The following ATP9A variants were observed in gnomAD, a reference collection of about 807,000 sequenced individuals.
ATP9A encodes the protein ATPase phospholipid transporting 9A.
In ATP9A, 52 loss-of-function variants were observed where a neutral mutation model predicts 144.1. The observed-to-expected ratio is 0.36, with a 90% CI of 0.29 to 0.45. The LOEUF is 0.45. Ranked by LOEUF, ATP9A falls within the 20% of genes least tolerant of loss-of-function variation. The pLI, the probability that ATP9A is intolerant of heterozygous loss-of-function variation, is 1.00. For missense variants in ATP9A, 947 were observed against 1,392.7 expected (o/e 0.68, Z 5.09); for synonymous variants, 582 against 557.4 (o/e 1.04, Z -0.62).
chr20:51,703,153 T>G (rs952297425), intron 4 of ATP9A, among the ~76,000 whole-genome samples: 1 of 152,210 alleles, frequency 6.6e-6, no homozygotes, highest in African/African-American at 2.4e-5. Flanking sequence ...CTGATCTTAA[T>G]ACTTTTTGAA....
intron 13 of ATP9A, among the ~76,000 whole-genome samples, chr20:51,666,978 G>A (rs1049621300): frequency 6.6e-6 from 1 of 152,132 alleles, no homozygotes; most frequent in South Asian, 2.1e-4. Flanking sequence ...TAGACATCAC[G>A]AGAGAAAGAT....
chr20:51,638,071 TTATATATA>T (rs56043552), intron 15 of ATP9A, among the ~76,000 whole-genome samples: 987 of 34,028 alleles, frequency 0.029, 12 homozygotes, highest in Middle Eastern at 0.062. Flanking sequence ...TTTCATCATT[TTATATATA>T]TATATATATA....
In ATP9A at chr20:51,729,982, T is replaced by C. The variant is rs1314680520; in HGVS notation, c.69-4A>G. ...GCATCTCAGCCACTCGCAGCACCTG[T>C]GGGAAAGAAACCCACGCATCAAGGC... On this transcript the variant is annotated splice_region_variant and splice_polypyrimidine_tract_variant and intron_variant, in intron 1 of 27. Coordinates refer to ENST00000338821, the MANE Select transcript of ATP9A (RefSeq NM_006045.3). 6.5e-7 allele frequency: 1 copy of C among 1,529,420 alleles called. No homozygotes were observed. The highest frequency in any genetic ancestry group is 8.7e-7 in the Non-Finnish European group (1 of 1,142,880). 94.7% of individuals were successfully genotyped at this position (1,529,420 alleles called of 1,614,324 possible).
At position 51,598,254 on chromosome 20, in the gene ATP9A, C is replaced by A. The variant is rs1004091194; in HGVS notation, c.*2957G>T. 1.3e-5 allele frequency: 2 copies of A among 152,066 alleles called. No homozygotes were observed. Among genetic ancestry groups the A allele is most frequent in the Non-Finnish European group, 2.9e-5 (2 of 67,998 alleles). The allele number at this position is 152,066 out of a possible 1,614,324, so 9.4% of individuals were successfully genotyped here. Reference sequence around the variant, plus strand: ...ATAGATCCTGCTTCCCCCTGTCACACAACCATCATCAAAAGACATATGAAC... The same window carrying A: ...ATAGATCCTGCTTCCCCCTGTCACAAAACCATCATCAAAAGACATATGAAC... On this transcript the variant is annotated 3_prime_UTR_variant, in exon 28 of 28. Transcript: ENST00000338821.
At chr20:51,743,093 CAA>C (rs2077791949) in intron 1 of ATP9A, among the ~76,000 whole-genome samples, 1 of 152,156 alleles carries the variant, frequency 6.6e-6, no homozygotes, top group Non-Finnish European at 1.5e-5. Context: ...TCTGTCCAAA[CAA>C]GAGAAGTGAC....
chr20:51,734,775 A>G, intron 1 of ATP9A: 1 of 215,558 alleles, frequency 4.6e-6, no homozygotes, highest in Non-Finnish European at 9.9e-6. Flanking sequence ...CATGAAGAAG[A>G]TGCAGGCCAA....
chr20:51,631,806 T>C (rs1340874351), intron 15 of ATP9A, among the ~76,000 whole-genome samples: 1 of 152,158 alleles, frequency 6.6e-6, no homozygotes, highest in African/African-American at 2.4e-5. Flanking sequence ...TGGAACATCT[T>C]GTACGCCACA....
At chr20:51,639,228 G>A (rs1245334623) in intron 15 of ATP9A, 115 bp downstream of exon 15, 1 of 1,155,564 alleles carries the variant, frequency 8.7e-7, no homozygotes, top group Non-Finnish European at 1.2e-6. Context: ...TCCCTTGTTA[G>A]TCTGGGTGAC....
At chr20:51,722,775 G>T (rs2077695199) in intron 3 of ATP9A, among the ~76,000 whole-genome samples, 1 of 152,164 alleles carries the variant, frequency 6.6e-6, no homozygotes, top group Non-Finnish European at 1.5e-5. Flanking sequence ...ATGGAAAACA[G>T]TGTGGAGATT....
chr20:51,701,024 G>A (rs931625066), intron 4 of ATP9A, among the ~76,000 whole-genome samples: 1 of 152,136 alleles, frequency 6.6e-6, no homozygotes, highest in Non-Finnish European at 1.5e-5. Context: ...TAAATTCAAC[G>A]TGGCCCTCAG....
rs768441415 is a variant in ATP9A, at chr20:51,619,052, G to C, written c.2116-9C>G. 1.9e-6 allele frequency: 3 copies of C among 1,609,796 alleles called. No homozygotes were observed. The highest frequency in any genetic ancestry group is 1.3e-5 in the African/African-American group (1 of 74,932). Reference sequence around the variant, plus strand: ...TCCCCGCGGTTGGTCACCTGGAAGGGAACAGAGATGGGGAAGGAGGCATTG... The same window carrying C: ...TCCCCGCGGTTGGTCACCTGGAAGGCAACAGAGATGGGGAAGGAGGCATTG... On this transcript the variant is annotated splice_polypyrimidine_tract_variant and intron_variant, in intron 19 of 27. Coordinates refer to ENST00000338821, the MANE Select transcript of ATP9A (RefSeq NM_006045.3).
At position 51,667,386 on chromosome 20, in the gene ATP9A, T is replaced by C. The variant is rs138573664; in HGVS notation, c.1293+2611A>G. Among the ~76,000 whole-genome samples, 658 of 152,226 alleles carry C rather than the reference T, an allele frequency of 4.3e-3. 8 individuals are homozygous for C. Among genetic ancestry groups the C allele is most frequent in the African/African-American group, 0.015 (618 of 41,512 alleles). The stretch of plus-strand genomic sequence containing the variant: ...TATAACCATCAAGAGTCAACACGAC[T>C]GAGAAGGGGCTGCGAGTGATACAGA... On this transcript the variant is annotated intron_variant, in intron 13 of 27. Coordinates refer to ENST00000338821, the MANE Select transcript of ATP9A (RefSeq NM_006045.3).
chr20:51,625,330 G>C lies in ATP9A; in HGVS notation c.1878C>G (p.His626Gln). 6.2e-7 allele frequency: 1 copy of C among 1,614,142 alleles called. No individual in the cohort carries two copies. Among genetic ancestry groups the C allele is most frequent in the Non-Finnish European group, 8.5e-7 (1 of 1,179,998 alleles). ...ARYVQAKLSV[H>Q]DRSLKVATVI... is the part of the protein sequence containing the mutation. The stretch of plus-strand genomic sequence containing the variant: ...CCGTGGCCACTTTGAGGGAGCGGTC[G>C]TGCACACTCAGCTTGGCCTGGACGT... The change falls in exon 18 of 28, where the codon CAC (histidine) becomes CAG (glutamine). Residue 626 changes from histidine (H) to glutamine (Q), a missense_variant. His to Gln is a conservative substitution (Grantham distance 24). Transcript: ENST00000338821.
At position 51,599,453 on chromosome 20, in the gene ATP9A, A is replaced by T. The variant is rs762276298; in HGVS notation, c.*1758T>A. On this transcript the variant is annotated 3_prime_UTR_variant, in exon 28 of 28. Transcript: ENST00000338821. Reference sequence around the variant, plus strand: ...TTTTTGGACAAAGATCCTATCCTTAACTATTCACTCAATACATCTTTTCTG... The same window carrying T: ...TTTTTGGACAAAGATCCTATCCTTATCTATTCACTCAATACATCTTTTCTG... 1 of 152,220 alleles carries T rather than the reference A, an allele frequency of 6.6e-6. No individual in the cohort carries two copies. Among genetic ancestry groups the T allele is most frequent in the Non-Finnish European group, 1.5e-5 (1 of 68,036 alleles). The allele number at this position is 152,220 out of a possible 1,614,324, so 9.4% of individuals were successfully genotyped here. A position where few individuals can be genotyped will look rare whatever the true frequency, so the allele number is the denominator to read the frequency against.
At chr20:51,670,486 G>A (rs2077451380) in intron 12 of ATP9A, among the ~76,000 whole-genome samples, 1 of 152,194 alleles carries the variant, frequency 6.6e-6, no homozygotes, top group South Asian at 2.1e-4. Flanking sequence ...TAATGGCAGA[G>A]CCCTACAGAG....
intron 1 of ATP9A, among the ~76,000 whole-genome samples, chr20:51,756,964 C>T (rs1309237279): frequency 1.3e-5 from 2 of 152,062 alleles, no homozygotes; most frequent in African/African-American, 2.4e-5. Context: ...GGACTATGGC[C>T]ACTCAGTGAG....
At chr20:51,626,187 C>G (rs938815631) in intron 17 of ATP9A, among the ~76,000 whole-genome samples, 6 of 152,188 alleles carry the variant, frequency 3.9e-5, no homozygotes, top group Admixed American at 3.9e-4. Context: ...AACATTTTTA[C>G]AGCTTAAAGA....
At chr20:51,607,132 A>G (rs2077166702) in intron 26 of ATP9A, among the ~76,000 whole-genome samples, 1 of 152,302 alleles carries the variant, frequency 6.6e-6, no homozygotes, top group Admixed American at 6.5e-5. Flanking sequence ...GTCATCTTAC[A>G]ACGCCTCCAC....
At chr20:51,669,886 T>C (rs1458670819) in intron 13 of ATP9A, 111 bp downstream of exon 13, 5 of 763,626 alleles carry the variant, frequency 6.5e-6, no homozygotes, top group Non-Finnish European at 1.1e-5. Flanking sequence ...AAACAATGAA[T>C]TGTACTCTTG....
Sources: gnomAD v4.1 joint callset for allele counts (sites outside exome capture counted in the v4.1 genomes callset) on GRCh38, gnomAD v4.1.1 for gene constraint, MANE v1.5 for transcripts, NCBI Gene and HGNC (gene_info 2026-07-23, HGNC 2026-07-21) for gene names.